The following GNG7 variants were observed in gnomAD, a reference collection of about 807,000 sequenced individuals.
GNG7 encodes the protein guanine nucleotide-binding protein G(I)/G(S)/G(O) subunit gamma-7.
Under a neutral mutation model 4.0 loss-of-function variants are expected in GNG7, and 1 was observed. The observed-to-expected ratio is 0.25, with a 90% confidence interval of 0.09 to 1.18. The LOEUF (loss-of-function observed/expected upper bound fraction) is 1.18, where lower values mean the gene tolerates loss of function less well. GNG7 is among the 50% of genes most tolerant of loss of function. GNG7 has a pLI of 0.50. For synonymous variants in GNG7, 34 were observed against 36.9 expected (o/e 0.92, Z 0.29); for missense variants, 86 against 91.9 (o/e 0.94, Z 0.26).
intron 2 of GNG7, among the ~76,000 whole-genome samples, chr19:2,607,082 A>G (rs188622656): frequency 1.1e-4 from 17 of 151,942 alleles, no homozygotes; most frequent in African/African-American, 2.9e-4. Context: ...TTAGCTGGGC[A>G]TGGTGGTGTG....
chr19:2,516,676 G>A (rs545428801), intron 4 of GNG7, among the ~76,000 whole-genome samples: 3 of 152,204 alleles, frequency 2.0e-5, no homozygotes, highest in African/African-American at 7.2e-5. Context: ...ATAGGAAAAC[G>A]CTGCCTGCAC....
intron 2 of GNG7, among the ~76,000 whole-genome samples, chr19:2,585,359 A>G (rs1045200871): frequency 2.0e-5 from 3 of 152,188 alleles, no homozygotes; most frequent in African/African-American, 7.2e-5. Flanking sequence ...ATACATATCC[A>G]CCTGCAATTT....
intron 3 of GNG7, among the ~76,000 whole-genome samples, chr19:2,551,945 A>G (rs574860183): frequency 4.6e-5 from 7 of 152,106 alleles, no homozygotes; most frequent in Non-Finnish European, 7.4e-5. Context: ...TTGACCTCCC[A>G]AAGTGCTGGG....
chr19:2,600,838 G>C (rs903914298), intron 2 of GNG7, among the ~76,000 whole-genome samples: 1 of 151,862 alleles, frequency 6.6e-6, no homozygotes, highest in Non-Finnish European at 1.5e-5. Flanking sequence ...CCAACCCCTG[G>C]GTGTCCCTGG....
At chr19:2,659,128 C>A (rs183298447) in intron 1 of GNG7, among the ~76,000 whole-genome samples, 95 of 152,082 alleles carry the variant, frequency 6.2e-4, no homozygotes, top group African/African-American at 2.1e-3. Flanking sequence ...CGCCACCACA[C>A]CTGGCTAATT....
chr19:2,549,445 C>T (rs538763191), intron 3 of GNG7, among the ~76,000 whole-genome samples: 321 of 152,132 alleles, frequency 2.1e-3, no homozygotes, highest in African/African-American at 7.3e-3. Flanking sequence ...CGCCCGCCAC[C>T]GCACCCGGCT....
At chr19:2,534,344 G>C (rs991460412) in intron 3 of GNG7, among the ~76,000 whole-genome samples, 1 of 152,156 alleles carries the variant, frequency 6.6e-6, no homozygotes, top group Non-Finnish European at 1.5e-5. Context: ...AACAGCTAGA[G>C]TGCGCTTCTG....
intron 2 of GNG7, among the ~76,000 whole-genome samples, chr19:2,565,113 G>A (rs1979859849): frequency 6.6e-6 from 1 of 152,208 alleles, no homozygotes. Context: ...ACCCTGAGGT[G>A]GAGAAGATGA....
chr19:2,514,972 GAGAGAGAGAGAGAA>G lies in GNG7; in HGVS notation c.*36_*49del, dbSNP rs1243853155. The G allele has an allele frequency of 4.2e-6, 5 of 1,185,156 alleles. No homozygotes were observed. The highest frequency in any genetic ancestry group is 1.9e-5 in the Admixed American group (1 of 52,302). The allele number at this position is 1,185,156 out of a possible 1,614,324, so 73.4% of individuals were successfully genotyped here. A position where few individuals can be genotyped will look rare whatever the true frequency, so the allele number is the denominator to read the frequency against. On this transcript the variant is annotated 3_prime_UTR_variant, in exon 5 of 5. Coordinates refer to ENST00000382159, the MANE Select transcript of GNG7 (RefSeq NM_052847.3). ...TGCCTGAGACAGAGACAGAGACAGA[GAGAGAGAGAGAGAA>G]AGAGAGAGAGAGAGAGAGAACATAT... is the stretch of plus-strand genomic sequence containing the variant.
chr19:2,560,671 A>G (rs1018117196), intron 2 of GNG7, among the ~76,000 whole-genome samples: 2 of 152,094 alleles, frequency 1.3e-5, no homozygotes, highest in African/African-American at 2.4e-5. Flanking sequence ...ATTATTTGGA[A>G]AAAAGCTGGG....
At chr19:2,586,345 T>G (rs1293974618) in intron 2 of GNG7, among the ~76,000 whole-genome samples, 1 of 152,050 alleles carries the variant, frequency 6.6e-6, no homozygotes, top group Non-Finnish European at 1.5e-5. Flanking sequence ...CCTTCTAGAG[T>G]GACTTTCACA....
intron 1 of GNG7, among the ~76,000 whole-genome samples, chr19:2,696,355 GAAAA>G (rs1351679790): frequency 1.4e-5 from 2 of 138,452 alleles, no homozygotes; most frequent in East Asian, 2.1e-4. Context: ...AGAAAAGAAA[GAAAA>G]GAAAGAAAGA....
intron 1 of GNG7, among the ~76,000 whole-genome samples, chr19:2,697,997 G>T (rs563073932): frequency 8.5e-4 from 126 of 149,012 alleles, no homozygotes; most frequent in African/African-American, 2.8e-3. Flanking sequence ...CCGGGTGCGG[G>T]GGCTCATGCT....
intron 3 of GNG7, among the ~76,000 whole-genome samples, chr19:2,548,310 C>T (rs1243992840): frequency 6.6e-6 from 1 of 151,282 alleles, no homozygotes; most frequent in Admixed American, 6.6e-5. Flanking sequence ...GAAACCTGGT[C>T]TCTACTAAAA....
At chr19:2,519,596 A>AT (rs1485255180) in intron 4 of GNG7, among the ~76,000 whole-genome samples, 1 of 46,296 alleles carries the variant, frequency 2.2e-5, no homozygotes, top group Non-Finnish European at 4.3e-5. Context: ...TCACATGCAA[A>AT]ATTTTTTTTT....
intron 1 of GNG7, among the ~76,000 whole-genome samples, chr19:2,683,962 C>T (rs978626917): frequency 6.6e-6 from 1 of 152,124 alleles, no homozygotes; most frequent in African/African-American, 2.4e-5. Flanking sequence ...GCTGCAAAAG[C>T]GACGTCAAAT....
intron 2 of GNG7, among the ~76,000 whole-genome samples, chr19:2,594,556 G>A (rs73918049): frequency 0.15 from 22,848 of 152,080 alleles, 1,891 homozygotes; most frequent in Non-Finnish European, 0.19. Context: ...GTCACCTCCT[G>A]CAACGGGAAT....
At chr19:2,518,933 C>T (rs1193910336) in intron 4 of GNG7, among the ~76,000 whole-genome samples, 3 of 151,430 alleles carry the variant, frequency 2.0e-5, no homozygotes, top group African/African-American at 7.3e-5. Context: ...GTAGCTGGGA[C>T]TATAGGAGCC....
At chr19:2,697,429 G>A (rs1346613465) in intron 1 of GNG7, among the ~76,000 whole-genome samples, 1 of 152,106 alleles carries the variant, frequency 6.6e-6, no homozygotes. Flanking sequence ...ACCCCTCGGG[G>A]GCCGCTGTGT....
Sources: gnomAD v4.1 joint callset for allele counts (sites outside exome capture counted in the v4.1 genomes callset) on GRCh38, gnomAD v4.1.1 for gene constraint, MANE v1.5 for transcripts, NCBI Gene and HGNC (gene_info 2026-07-23, HGNC 2026-07-21) for gene names.